CBLN2: variants seen among roughly 807,000 people sequenced by gnomAD.
CBLN2 encodes cerebellin 2 precursor, also known as cerebellin-2.
Under a neutral mutation model 15.0 loss-of-function variants are expected in CBLN2, and 7 were observed. The observed-to-expected ratio is 0.47, with a 90% CI of 0.27 to 0.88. The LOEUF (loss-of-function observed/expected upper bound fraction) is 0.88. Among genes scored for constraint, CBLN2 ranks in the 40% least tolerant of loss-of-function variants. The pLI is 0.14. For missense variants in CBLN2, 242 were observed against 304.5 expected, an observed-to-expected ratio of 0.79 and a Z score of 1.53; for synonymous variants, 149 against 135.2, an observed-to-expected ratio of 1.10 and a Z score of -0.71.
At chr18:72,589,664 T>C (rs1435783270) in intron 1 of CBLN2, among the ~76,000 whole-genome samples, 1 of 152,210 alleles carries the variant, frequency 6.6e-6, no homozygotes, top group African/African-American at 2.4e-5. Context: ...ACATTTAAGA[T>C]ACGAGTTGAC....
chr18:72,628,378 G>A (rs2069753946), intron 1 of CBLN2, among the ~76,000 whole-genome samples: 1 of 152,188 alleles, frequency 6.6e-6, no homozygotes, highest in Admixed American at 6.5e-5. Context: ...CCATATGTGT[G>A]GGAAGGATGG....
chr18:72,568,219 C>A (rs1197808589), intron 1 of CBLN2, among the ~76,000 whole-genome samples: 3 of 152,136 alleles, frequency 2.0e-5, no homozygotes, highest in Non-Finnish European at 4.4e-5. Flanking sequence ...AGGGTTAAAA[C>A]GAATGACCTC....
intron 1 of CBLN2, among the ~76,000 whole-genome samples, chr18:72,570,978 T>C (rs924850295): frequency 6.6e-6 from 1 of 152,158 alleles, no homozygotes; most frequent in Admixed American, 6.5e-5. Context: ...TGTGTCTGTA[T>C]ACCTTATATC....
chr18:72,550,936 T>G (rs2069188143), intron 1 of CBLN2, among the ~76,000 whole-genome samples: 2 of 152,110 alleles, frequency 1.3e-5, no homozygotes, highest in African/African-American at 4.8e-5. Context: ...CCTCACGTTG[T>G]TTGCAGCTCT....
At chr18:72,579,340 T>C (rs1182782887) in intron 1 of CBLN2, among the ~76,000 whole-genome samples, 1 of 152,216 alleles carries the variant, frequency 6.6e-6, no homozygotes, top group Non-Finnish European at 1.5e-5. Flanking sequence ...ATTTGCTTGA[T>C]TTAATGCTTT....
chr18:72,615,982 C>T (rs1333066801), intron 1 of CBLN2, among the ~76,000 whole-genome samples: 2 of 152,098 alleles, frequency 1.3e-5, no homozygotes, highest in African/African-American at 2.4e-5. Flanking sequence ...GGACTCCTGT[C>T]GACTTTTAAC....
intron 1 of CBLN2, among the ~76,000 whole-genome samples, chr18:72,637,785 G>A (rs1871697462): frequency 6.6e-6 from 1 of 152,190 alleles, no homozygotes; most frequent in South Asian, 2.1e-4. Context: ...GAGAAATAGG[G>A]GAGAAAAGCA....
intron 1 of CBLN2, among the ~76,000 whole-genome samples, chr18:72,598,915 C>T (rs752216398): frequency 6.6e-6 from 1 of 152,210 alleles, no homozygotes; most frequent in Non-Finnish European, 1.5e-5. Flanking sequence ...GCCACATGGT[C>T]ACTTTCGGGG....
intron 1 of CBLN2, chr18:72,631,165 T>C (rs2144979230): frequency 6.6e-6 from 1 of 152,330 alleles, no homozygotes; most frequent in South Asian, 2.1e-4. Flanking sequence ...CTTTTTTTAA[T>C]GGGCATTTTT....
At chr18:72,606,089 T>C (rs2069581569) in intron 1 of CBLN2, among the ~76,000 whole-genome samples, 1 of 152,244 alleles carries the variant, frequency 6.6e-6, no homozygotes, top group Non-Finnish European at 1.5e-5. Context: ...CACCACATCC[T>C]TGAGATTCTT....
intron 1 of CBLN2, among the ~76,000 whole-genome samples, chr18:72,581,902 T>C (rs1030956582): frequency 6.6e-6 from 1 of 152,234 alleles, no homozygotes; most frequent in African/African-American, 2.4e-5. Flanking sequence ...ATGTTCAATC[T>C]CTGTGGGTTT....
intron 1 of CBLN2, among the ~76,000 whole-genome samples, chr18:72,633,943 CTCTT>C (rs1312461843): frequency 5.9e-5 from 9 of 151,984 alleles, no homozygotes; most frequent in African/African-American, 2.2e-4. Flanking sequence ...ACAAATAAAA[CTCTT>C]AAAGAGCAAT....
intron 1 of CBLN2, among the ~76,000 whole-genome samples, chr18:72,567,616 T>A (rs2144901760): frequency 6.6e-6 from 1 of 152,268 alleles, no homozygotes; most frequent in South Asian, 2.1e-4. Flanking sequence ...GATTAAATAT[T>A]TCATATTCTT....
At position 72,630,158 on chromosome 18, in the gene CBLN2, C is replaced by T. The variant is rs182997064; in HGVS notation, c.15+8167G>A. 6.6e-4 allele frequency among the ~76,000 whole-genome samples: 100 copies of T among 152,238 alleles called. 1 individual carries two copies. The highest frequency in any genetic ancestry group is 1.1e-3 in the Admixed American group (17 of 15,294). ...ATAAAACTGTCAATCCCCTGGAAGA[C>T]TATATACCAGCATGGTATCACTTTT... is the stretch of plus-strand genomic sequence containing the variant. On this transcript the variant is annotated intron_variant, in intron 1 of 2. Transcript: ENST00000581073.
At chr18:72,623,116 A>T (rs1418291157) in intron 1 of CBLN2, among the ~76,000 whole-genome samples, 1 of 152,118 alleles carries the variant, frequency 6.6e-6, no homozygotes, top group African/African-American at 2.4e-5. Context: ...GGTGCTACAC[A>T]CTTTTAAATA....
At chr18:72,546,818 C>T (rs12967674), upstream of CBLN2, among the ~76,000 whole-genome samples, 88,786 of 152,046 alleles carry the variant, frequency 0.58, 31,148 homozygotes, top group Non-Finnish European at 0.79. Context: ...GAAGGGAAGA[C>T]GCTGGGATAA....
chr18:72,590,723 A>G (rs964948714), intron 1 of CBLN2, among the ~76,000 whole-genome samples: 4 of 152,212 alleles, frequency 2.6e-5, no homozygotes, highest in East Asian at 1.9e-4. Context: ...AGGTCAAATA[A>G]CCTATAGTGT....
intron 1 of CBLN2, among the ~76,000 whole-genome samples, chr18:72,622,023 T>C (rs1455263836): frequency 2.0e-5 from 3 of 152,212 alleles, no homozygotes; most frequent in African/African-American, 4.8e-5. Context: ...TGTGGTATTA[T>C]TGGCATTTTA....
intron 1 of CBLN2, among the ~76,000 whole-genome samples, chr18:72,626,552 T>C (rs1599029558): frequency 6.6e-6 from 1 of 152,048 alleles, no homozygotes; most frequent in East Asian, 1.9e-4. Flanking sequence ...ATGCAAAAAT[T>C]AGCTGGGCGT....
Sources: gnomAD v4.1 joint callset for allele counts (sites outside exome capture counted in the v4.1 genomes callset) on GRCh38, gnomAD v4.1.1 for gene constraint, MANE v1.5 for transcripts, NCBI Gene and HGNC (gene_info 2026-07-23, HGNC 2026-07-21) for gene names.